Variants in KCNK2 observed in about 807,000 individuals in gnomAD.
KCNK2 encodes the protein potassium two pore domain channel subfamily K member 2.
In KCNK2, 21 loss-of-function variants were observed where a neutral mutation model predicts 40.5. The ratio of observed to expected loss-of-function variants is 0.52; its 90% CI spans 0.37 to 0.75. The LOEUF is 0.75. Ranked by LOEUF, KCNK2 falls within the 30% of genes least tolerant of loss-of-function variation. KCNK2 has a pLI of 0.00. For missense variants in KCNK2, 399 were observed against 531.6 expected, an observed-to-expected ratio of 0.75 and a Z score of 2.45; for synonymous variants, 191 against 202.2, an observed-to-expected ratio of 0.94 and a Z score of 0.47.
chr1:215,131,652 T>C (rs1037306717), intron 3 of KCNK2, among the ~76,000 whole-genome samples: 1 of 149,806 alleles, frequency 6.7e-6, no homozygotes, highest in African/African-American at 2.4e-5. Flanking sequence ...ACTCAATTAT[T>C]ATATCTGAGT....
chr1:215,108,247 T>C (rs1413655097), intron 2 of KCNK2, among the ~76,000 whole-genome samples: 1 of 152,072 alleles, frequency 6.6e-6, no homozygotes, highest in Non-Finnish European at 1.5e-5. Context: ...TATGGGTCTG[T>C]GGCTTGGGGG....
chr1:215,230,316 T>C (rs968586132), intron 6 of KCNK2, among the ~76,000 whole-genome samples: 6 of 150,442 alleles, frequency 4.0e-5, no homozygotes, highest in African/African-American at 1.5e-4. Context: ...GTTACTGTAG[T>C]GAATACTGCA....
At chr1:215,232,881 T>A (rs1438233882) in intron 6 of KCNK2, among the ~76,000 whole-genome samples, 1 of 152,100 alleles carries the variant, frequency 6.6e-6, no homozygotes, top group Non-Finnish European at 1.5e-5. Context: ...GCCCCAAGAC[T>A]TGAGACATGA....
In KCNK2 at chr1:215,209,432, A is replaced by T. The variant is rs867738053; in HGVS notation, c.963+14340A>T. On this transcript the variant is annotated intron_variant, in intron 6 of 6. Coordinates refer to ENST00000444842, the MANE Select transcript of KCNK2 (RefSeq NM_001017425.3). ...GCATATATTATATATAATATATATAATATAAAATATATAATATATATTATA... is the reference window on the plus strand; with the variant it reads ...GCATATATTATATATAATATATATATTATAAAATATATAATATATATTATA... Among the ~76,000 whole-genome samples the T allele has an allele frequency of 5.6e-3, 104 of 18,570 alleles. 1 individual carries two copies. Among genetic ancestry groups the T allele is most frequent in the South Asian group, 0.023 (5 of 222 alleles). 12.2% of individuals were successfully genotyped at this position (18,570 alleles called of 152,430 possible).
At chr1:215,039,126 CT>C (rs1276044474) in intron 1 of KCNK2, among the ~76,000 whole-genome samples, 15 of 152,066 alleles carry the variant, frequency 9.9e-5, no homozygotes, top group African/African-American at 3.6e-4. Context: ...TGTTTTAAGA[CT>C]ATCTATAAGA....
In KCNK2 at chr1:215,057,446, A is replaced by G. The variant is rs370371311; in HGVS notation, c.35-28922A>G. 9.9e-4 allele frequency among the ~76,000 whole-genome samples: 150 copies of G among 152,182 alleles called. 5 individuals are homozygous for G. In the South Asian group the frequency reaches 0.031, roughly 31 times the overall value. ...CTTTGGGTGTGACAGCTGAGGCAGGACCCACATGGGTGACAGTGAAATATA... is the reference window on the plus strand; with the variant it reads ...CTTTGGGTGTGACAGCTGAGGCAGGGCCCACATGGGTGACAGTGAAATATA... On this transcript the variant is annotated intron_variant, in intron 1 of 6. Transcript: ENST00000391895.
At chr1:215,094,093 G>T (rs971522407) in intron 2 of KCNK2, among the ~76,000 whole-genome samples, 6 of 148,980 alleles carry the variant, frequency 4.0e-5, no homozygotes, top group South Asian at 2.1e-4. Context: ...ATTTGTGTAA[G>T]CACTCAGGTA....
intron 1 of KCNK2, among the ~76,000 whole-genome samples, chr1:215,018,079 A>G (rs1656656737): frequency 6.6e-6 from 1 of 152,218 alleles, no homozygotes; most frequent in Admixed American, 6.5e-5. Context: ...GAACATATAT[A>G]ATAAAGCATG....
intron 1 of KCNK2, among the ~76,000 whole-genome samples, chr1:215,076,114 C>A (rs1452177725): frequency 1.3e-5 from 2 of 152,216 alleles, no homozygotes; most frequent in African/African-American, 2.4e-5. Context: ...TGATGTCCAA[C>A]TCCCTTCTCA....
intron 1 of KCNK2, among the ~76,000 whole-genome samples, chr1:215,018,124 A>G (rs915772642): frequency 6.6e-6 from 1 of 152,192 alleles, no homozygotes; most frequent in African/African-American, 2.4e-5. Flanking sequence ...ATATTGATAT[A>G]TTTCCCAGCT....
intron 2 of KCNK2, among the ~76,000 whole-genome samples, chr1:215,117,874 A>G (rs1430796326): frequency 2.6e-5 from 4 of 152,108 alleles, no homozygotes; most frequent in African/African-American, 4.8e-5. Context: ...GCTGCCCCTT[A>G]GTGGAACCTA....
At chr1:215,169,552 A>T (rs953144191) in intron 4 of KCNK2, among the ~76,000 whole-genome samples, 193 bp downstream of exon 4, 1 of 152,164 alleles carries the variant, frequency 6.6e-6, no homozygotes, top group Non-Finnish European at 1.5e-5. Flanking sequence ...GAATAAATTG[A>T]TGCATGAGAA....
At chr1:215,208,263 A>G (rs1558139191) in intron 6 of KCNK2, among the ~76,000 whole-genome samples, 1 of 152,192 alleles carries the variant, frequency 6.6e-6, no homozygotes, top group East Asian at 1.9e-4. Context: ...AGGAACAGAA[A>G]TCCAAATACT....
At chr1:215,017,046 C>G (rs920081148) in intron 1 of KCNK2, among the ~76,000 whole-genome samples, 1 of 151,982 alleles carries the variant, frequency 6.6e-6, no homozygotes, top group South Asian at 2.1e-4. Context: ...TGAGATATCA[C>G]CTCGCCCTAT....
At chr1:215,086,313 G>A in intron 1 of KCNK2, 55 bp from the exon 2 acceptor site, 3 of 1,432,812 alleles carry the variant, frequency 2.1e-6, no homozygotes, top group Non-Finnish European at 2.9e-6. Flanking sequence ...GAAGAAGCCC[G>A]ACCAATTCCC....
rs61818323 is a variant in KCNK2, at chr1:215,122,835, T to A, written c.358-1798T>A. Among the ~76,000 whole-genome samples, 1,442 of 148,078 alleles carry A rather than the reference T, an allele frequency of 9.7e-3. 21 individuals are homozygous for A. The highest frequency in any genetic ancestry group is 0.063 in the South Asian group (288 of 4,556). On this transcript the variant is annotated intron_variant, in intron 2 of 6. Transcript: ENST00000444842. Reference sequence around the variant, plus strand: ...ATCTCGGCTCACTGCAAGCTCCGTCTCCGGGTTCACACCATTCTCCTGCCT... The same window carrying A: ...ATCTCGGCTCACTGCAAGCTCCGTCACCGGGTTCACACCATTCTCCTGCCT...
intron 1 of KCNK2, among the ~76,000 whole-genome samples, chr1:215,054,423 A>C (rs1658086982): frequency 6.6e-6 from 1 of 152,196 alleles, no homozygotes; most frequent in Admixed American, 6.5e-5. Context: ...TGCACCAGGA[A>C]CACGTAATTC....
At chr1:215,226,938 C>G (rs1049962125) in intron 6 of KCNK2, among the ~76,000 whole-genome samples, 37 of 152,256 alleles carry the variant, frequency 2.4e-4, no homozygotes, top group African/African-American at 8.9e-4. Flanking sequence ...ATAGAGATGG[C>G]TATGAGTCAG....
At chr1:215,080,576 G>A (rs185467272), upstream of KCNK2, among the ~76,000 whole-genome samples, 3 of 148,278 alleles carry the variant, frequency 2.0e-5, no homozygotes, top group South Asian at 2.1e-4. Context: ...TATCAAACAC[G>A]TATTTAGCAG....
Sources: gnomAD v4.1 joint callset for allele counts (sites outside exome capture counted in the v4.1 genomes callset) on GRCh38, gnomAD v4.1.1 for gene constraint, MANE v1.5 for transcripts, NCBI Gene and HGNC (gene_info 2026-07-23, HGNC 2026-07-21) for gene names.